GRM8: variants seen among roughly 807,000 people sequenced by gnomAD.
The protein encoded by GRM8 is glutamate metabotropic receptor 8.
In GRM8, 47 loss-of-function variants were observed where a neutral mutation model predicts 87.2. The ratio of observed to expected loss-of-function variants is 0.54; its 90% CI spans 0.43 to 0.69. The LOEUF (loss-of-function observed/expected upper bound fraction) is 0.69. Among genes scored for constraint, GRM8 ranks in the 30% least tolerant of loss-of-function variants. The pLI is 0.00. For synonymous variants in GRM8, 396 were observed against 404.5 expected (o/e 0.98, Z 0.25); for missense variants, 1,019 against 1,139.2 (o/e 0.89, Z 1.52).
intron 3 of GRM8, among the ~76,000 whole-genome samples, chr7:126,994,750 A>C (rs1582256): frequency 0.47 from 71,893 of 151,892 alleles, 17,278 homozygotes; most frequent in Middle Eastern, 0.53. Flanking sequence ...TAGATTTCTA[A>C]GTTTTTTTTT....
chr7:126,925,975 G>A (rs1419467), intron 3 of GRM8, among the ~76,000 whole-genome samples: 25,693 of 152,016 alleles, frequency 0.17, 2,258 homozygotes, highest in East Asian at 0.27. Flanking sequence ...CAGGTTGAAT[G>A]TATTTATAGC....
At chr7:127,016,779 T>C (rs1815718801) in intron 3 of GRM8, among the ~76,000 whole-genome samples, 3 of 152,130 alleles carry the variant, frequency 2.0e-5, no homozygotes. Flanking sequence ...ATTCACAATA[T>C]GCTTGTAGAA....
chr7:126,467,455 T>C (rs1804632960), intron 9 of GRM8, among the ~76,000 whole-genome samples: 1 of 152,042 alleles, frequency 6.6e-6, no homozygotes, highest in African/African-American at 2.4e-5. Context: ...TCATATTCCA[T>C]TTATAGTATC....
At chr7:126,960,184 T>G (rs1809162172) in intron 3 of GRM8, among the ~76,000 whole-genome samples, 1 of 152,026 alleles carries the variant, frequency 6.6e-6, no homozygotes, top group African/African-American at 2.4e-5. Flanking sequence ...CAACTAGTGG[T>G]GAGGGAAAAA....
At chr7:126,563,776 C>T (rs1793950447) in intron 8 of GRM8, among the ~76,000 whole-genome samples, 1 of 152,186 alleles carries the variant, frequency 6.6e-6, no homozygotes. Context: ...CCAACAAAAC[C>T]TACAGGTATA....
At chr7:126,772,294 C>T (rs915154936) in intron 6 of GRM8, among the ~76,000 whole-genome samples, 1 of 152,246 alleles carries the variant, frequency 6.6e-6, no homozygotes, top group African/African-American at 2.4e-5. Flanking sequence ...AGAGAGAAGA[C>T]TGAATAACAA....
At chr7:127,047,467 C>A (rs1362353071) in intron 3 of GRM8, among the ~76,000 whole-genome samples, 1 of 151,870 alleles carries the variant, frequency 6.6e-6, no homozygotes, top group African/African-American at 2.4e-5. Flanking sequence ...TCTCTCTTTC[C>A]TCTTCTCTCT....
intron 6 of GRM8, among the ~76,000 whole-genome samples, chr7:126,782,064 A>G (rs144878291): frequency 2.0e-5 from 3 of 152,226 alleles, no homozygotes; most frequent in Non-Finnish European, 4.4e-5. Flanking sequence ...AATAAAATCA[A>G]TGTAGTTGGT....
chr7:126,810,780 T>C (rs897838840), intron 6 of GRM8, among the ~76,000 whole-genome samples: 1 of 152,150 alleles, frequency 6.6e-6, no homozygotes, highest in Non-Finnish European at 1.5e-5. Flanking sequence ...GAGATTCCCA[T>C]TGGAAACTCT....
chr7:126,524,788 T>C (rs1813579382), intron 9 of GRM8, among the ~76,000 whole-genome samples: 1 of 152,218 alleles, frequency 6.6e-6, no homozygotes, highest in Non-Finnish European at 1.5e-5. Context: ...CAGCTTTTTA[T>C]TTTCACATTC....
intron 3 of GRM8, among the ~76,000 whole-genome samples, chr7:126,967,275 C>T (rs1809972817): frequency 6.6e-6 from 1 of 152,146 alleles, no homozygotes; most frequent in Non-Finnish European, 1.5e-5. Flanking sequence ...CACTTATAAA[C>T]TTGACTTAAA....
At chr7:127,221,912 C>G (rs1028823054) in intron 2 of GRM8, among the ~76,000 whole-genome samples, 2 of 152,174 alleles carry the variant, frequency 1.3e-5, no homozygotes, top group African/African-American at 2.4e-5. Flanking sequence ...CTCTCAAGCT[C>G]TCACCTGACT....
chr7:126,839,069 A>G (rs1056846297), intron 6 of GRM8, among the ~76,000 whole-genome samples: 6 of 152,034 alleles, frequency 3.9e-5, no homozygotes, highest in African/African-American at 1.4e-4. Flanking sequence ...TTATCTCCAC[A>G]CTACTTGCTG....
intron 2 of GRM8, among the ~76,000 whole-genome samples, chr7:127,190,257 CTCTACCTCAT>C (rs570021085): frequency 6.6e-6 from 1 of 152,338 alleles, no homozygotes; most frequent in East Asian, 1.9e-4. Context: ...ATACCCTCAT[CTCTACCTCAT>C]TCTAGTAGCC....
intron 3 of GRM8, among the ~76,000 whole-genome samples, chr7:127,005,853 C>G (rs898989428): frequency 2.0e-5 from 3 of 151,812 alleles, no homozygotes; most frequent in African/African-American, 7.2e-5. Context: ...TTTATGTAAA[C>G]TTTTAGGAAA....
At chr7:126,645,658 C>T (rs533408324) in intron 7 of GRM8, among the ~76,000 whole-genome samples, 99 of 152,314 alleles carry the variant, frequency 6.5e-4, no homozygotes, top group Non-Finnish European at 2.4e-4. Flanking sequence ...CATTGAGTGA[C>T]CACATTACAA....
At chr7:126,468,047 C>G (rs2150544763) in intron 9 of GRM8, among the ~76,000 whole-genome samples, 1 of 152,106 alleles carries the variant, frequency 6.6e-6, no homozygotes, top group South Asian at 2.1e-4. Flanking sequence ...AATTGTCTCA[C>G]TAGATAACTA....
At chr7:127,109,843 A>C (rs1826183286) in intron 2 of GRM8, among the ~76,000 whole-genome samples, 1 of 152,002 alleles carries the variant, frequency 6.6e-6, no homozygotes, top group Non-Finnish European at 1.5e-5. Flanking sequence ...CATTCCACCA[A>C]AATATTGTGC....
intron 7 of GRM8, among the ~76,000 whole-genome samples, chr7:126,767,103 G>T (rs1193828259): frequency 1.3e-5 from 2 of 152,126 alleles, no homozygotes; most frequent in African/African-American, 2.4e-5. Context: ...TTTTTTAACA[G>T]ATTGAAATGT....
Sources: allele counts gnomAD v4.1 joint callset (sites outside exome capture counted in the v4.1 genomes callset), GRCh38; gene constraint gnomAD v4.1.1; transcripts MANE v1.5; gene names NCBI Gene and HGNC (gene_info 2026-07-23, HGNC 2026-07-21).